PRKCA: variants seen among roughly 807,000 people sequenced by gnomAD.
The protein encoded by PRKCA is protein kinase C alpha type.
A neutral mutation model predicts 87.0 loss-of-function variants in PRKCA; 27 were observed. The ratio of observed to expected loss-of-function variants is 0.31; its 90% CI spans 0.23 to 0.43. The LOEUF (loss-of-function observed/expected upper bound fraction) is 0.43, where lower values mean the gene tolerates loss of function less well. PRKCA is among the 20% of genes least tolerant of loss of function. The probability of loss-of-function intolerance (pLI) is 1.00; values close to 1 mark genes in which losing one functional copy is unlikely to be tolerated. For missense variants in PRKCA, 518 were observed against 852.3 expected (o/e 0.61, Z 4.88); for synonymous variants, 329 against 311.1 (o/e 1.06, Z -0.61).
chr17:66,382,409 T>C (rs1188796245), intron 2 of PRKCA, among the ~76,000 whole-genome samples: 1 of 152,170 alleles, frequency 6.6e-6, no homozygotes, highest in Non-Finnish European at 1.5e-5. Context: ...TAAGCGATTC[T>C]CCTGCCTCAG....
chr17:66,509,539 T>G (rs746126656), intron 3 of PRKCA, among the ~76,000 whole-genome samples: 7 of 152,190 alleles, frequency 4.6e-5, no homozygotes, highest in Non-Finnish European at 1.0e-4. Context: ...TTTGTTCCAT[T>G]CAGGCCTTCA....
intron 16 of PRKCA, among the ~76,000 whole-genome samples, chr17:66,799,487 G>A (rs1411389850): frequency 9.8e-5 from 1 of 10,182 alleles, no homozygotes; most frequent in Admixed American, 1.1e-3. Context: ...GGTGGTGATG[G>A]TGGTGGTGGT....
Position 66,431,927 on chromosome 17 carries a change from C to G in PRKCA, c.206-64274C>G, listed in dbSNP as rs1277780891. Among the ~76,000 whole-genome samples, 3 of 152,290 alleles carry G rather than the reference C, an allele frequency of 2.0e-5. No homozygotes were observed. In the South Asian group the frequency reaches 6.2e-4, roughly 32 times the overall value. On this transcript the variant is annotated intron_variant, in intron 2 of 16. Transcript: ENST00000413366. ...CCATGGAAAACCAGTAATAATTTCC[C>G]CCCGCATCCTAATTCTTTTTTCATT...
At chr17:66,720,279 G>A (rs9914723) in intron 8 of PRKCA, among the ~76,000 whole-genome samples, 32,219 of 152,136 alleles carry the variant, frequency 0.21, 3,476 homozygotes, top group East Asian at 0.28. Flanking sequence ...GCCCTCAGGC[G>A]GCAGCGTGCT....
intron 14 of PRKCA, chr17:66,777,748 A>G (rs2144347609): frequency 1.0e-6 from 1 of 985,358 alleles, no homozygotes; most frequent in Non-Finnish European, 1.2e-6. Context: ...CTAACATGCA[A>G]AAGGGGCTGG....
chr17:66,338,751 C>T (rs1482074796), intron 2 of PRKCA, among the ~76,000 whole-genome samples: 1 of 152,154 alleles, frequency 6.6e-6, no homozygotes, highest in Non-Finnish European at 1.5e-5. Flanking sequence ...CTATAACCAA[C>T]CAATAAGATG....
At position 66,623,070 on chromosome 17, in the gene PRKCA, A is replaced by G. The variant is rs78350365; in HGVS notation, c.289-18285A>G. Among the ~76,000 whole-genome samples, 96 of 152,314 alleles carry G rather than the reference A, an allele frequency of 6.3e-4. 1 individual carries two copies. In the East Asian group the frequency reaches 0.015, roughly 23 times the overall value. On this transcript the variant is annotated intron_variant, in intron 3 of 16. Transcript: ENST00000413366. Reference sequence around the variant, plus strand: ...TTTCCTGTAGGACAGACATTAGGACAGTTTTTCTTCTCTATCTTCCACTGG... The same window carrying G: ...TTTCCTGTAGGACAGACATTAGGACGGTTTTTCTTCTCTATCTTCCACTGG...
At chr17:66,468,022 A>T (rs555562598) in intron 2 of PRKCA, among the ~76,000 whole-genome samples, 1 of 152,298 alleles carries the variant, frequency 6.6e-6, no homozygotes, top group African/African-American at 2.4e-5. Flanking sequence ...GGAACTCCTC[A>T]TTAGCTGTTT....
At chr17:66,368,378 ATATATATATTTTTTTTTTTTTTTT>A (rs1341670627) in intron 2 of PRKCA, among the ~76,000 whole-genome samples, 1 of 28,212 alleles carries the variant, frequency 3.5e-5, no homozygotes, top group African/African-American at 8.5e-5. Flanking sequence ...ATATATATAT[ATATATATATTTTTTTTTTTTTTTT>A]TTTTTTTTTG....
At chr17:66,690,748 T>A (rs7222101) in intron 8 of PRKCA, among the ~76,000 whole-genome samples, 90,502 of 148,534 alleles carry the variant, frequency 0.61, 27,535 homozygotes, top group Middle Eastern at 0.66. Flanking sequence ...GAATCACTTA[T>A]ACCTGGGAGG....
chr17:66,555,649 C>A (rs1395296275), intron 3 of PRKCA, among the ~76,000 whole-genome samples: 1 of 152,138 alleles, frequency 6.6e-6, no homozygotes, highest in Non-Finnish European at 1.5e-5. Flanking sequence ...GAGCCACTTA[C>A]ACTACTGGAA....
intron 3 of PRKCA, among the ~76,000 whole-genome samples, chr17:66,564,202 C>T (rs1018429905): frequency 6.6e-6 from 1 of 152,026 alleles, no homozygotes; most frequent in African/African-American, 2.4e-5. Context: ...CCTCAGCCTC[C>T]CGAGTAGCTA....
intron 3 of PRKCA, among the ~76,000 whole-genome samples, chr17:66,594,585 C>T (rs565196328): frequency 6.6e-6 from 1 of 150,966 alleles, no homozygotes; most frequent in Non-Finnish European, 1.5e-5. Flanking sequence ...AATCACAGGA[C>T]AATCATCTTC....
chr17:66,695,920 G>A lies in PRKCA; in HGVS notation c.918+6873G>A, dbSNP rs185040098. On this transcript the variant is annotated intron_variant, in intron 8 of 16. Coordinates refer to ENST00000413366, the MANE Select transcript of PRKCA (RefSeq NM_002737.3). ...AAGATGAATTTATTTAAATTGCAAT[G>A]TCCCTTGAAGCTTGTATGAGCTCTC... 4.6e-3 allele frequency among the ~76,000 whole-genome samples: 703 copies of A among 152,326 alleles called. 6 individuals carry two copies. Among genetic ancestry groups the A allele is most frequent in the Middle Eastern group, 6.8e-3 (2 of 294 alleles).
intron 14 of PRKCA, among the ~76,000 whole-genome samples, chr17:66,782,623 C>T (rs891000787): frequency 2.0e-5 from 3 of 152,220 alleles, no homozygotes; most frequent in Non-Finnish European, 4.4e-5. Flanking sequence ...TCTCAGGCCC[C>T]CAGGGCTGCC....
intron 13 of PRKCA, among the ~76,000 whole-genome samples, chr17:66,752,785 C>G (rs1439154375): frequency 6.6e-6 from 1 of 152,146 alleles, no homozygotes; most frequent in Admixed American, 6.5e-5. Context: ...TCCATGCAGC[C>G]ACTTGTCACT....
rs1226778825 is a variant in PRKCA, at chr17:66,338,107, C to A, written c.205+31980C>A. 2.2e-5 allele frequency among the ~76,000 whole-genome samples: 3 copies of A among 139,142 alleles called. No homozygotes were observed. In the Admixed American group the frequency reaches 2.2e-4, roughly 10 times the overall value. 91.3% of individuals were successfully genotyped at this position (139,142 alleles called of 152,430 possible). A position where few individuals can be genotyped will look rare whatever the true frequency, so the allele number is the denominator to read the frequency against. ...TCTAGCGGTTCTTGCTGAATGATTT[C>A]CTAAGGCATTTTGAAAATCTCTTGG... On this transcript the variant is annotated intron_variant, in intron 2 of 16. Coordinates refer to ENST00000413366, the MANE Select transcript of PRKCA (RefSeq NM_002737.3).
In PRKCA at chr17:66,809,519, A is replaced by G. The variant is rs1976117160; in HGVS notation, c.*5482A>G. 1 of 152,244 alleles carries G rather than the reference A, an allele frequency of 6.6e-6. No individual in the cohort carries two copies. Among genetic ancestry groups the G allele is most frequent in the South Asian group, 2.1e-4 (1 of 4,830 alleles). 9.4% of individuals were successfully genotyped at this position (152,244 alleles called of 1,614,324 possible). On this transcript the variant is annotated 3_prime_UTR_variant, in exon 17 of 17. Coordinates refer to ENST00000413366, the MANE Select transcript of PRKCA (RefSeq NM_002737.3). Reference sequence around the variant, plus strand: ...AATTCTTTAAAAATGAGTTTTTAGAACAAAGCAACTGACGATTTCCTAAGA... The same window carrying G: ...AATTCTTTAAAAATGAGTTTTTAGAGCAAAGCAACTGACGATTTCCTAAGA...
At chr17:66,495,656 G>T (rs1378080261) in intron 2 of PRKCA, among the ~76,000 whole-genome samples, 1 of 151,722 alleles carries the variant, frequency 6.6e-6, no homozygotes, top group East Asian at 1.9e-4. Flanking sequence ...ACGTTCAAGC[G>T]ATTATCCTGC....
Sources: allele counts gnomAD v4.1 joint callset (sites outside exome capture counted in the v4.1 genomes callset), GRCh38; gene constraint gnomAD v4.1.1; transcripts MANE v1.5; gene names NCBI Gene and HGNC (gene_info 2026-07-23, HGNC 2026-07-21).